The following EPHX2 variants were observed in gnomAD, a reference collection of about 807,000 sequenced individuals.
EPHX2 encodes bifunctional epoxide hydrolase 2.
EPHX2 carries 74 observed loss-of-function variants against 78.7 expected under a neutral mutation model. That is an observed-to-expected ratio of 0.94 (90% CI 0.78 to 1.14). EPHX2 has a LOEUF of 1.14. EPHX2 is among the 50% of genes most tolerant of loss of function. The pLI is 0.00. For missense variants in EPHX2, 715 were observed against 702.5 expected (o/e 1.02, Z -0.20); for synonymous variants, 251 against 255.2 (o/e 0.98, Z 0.16).
At chr8:27,510,400 A>G (rs924562941) in intron 5 of EPHX2, among the ~76,000 whole-genome samples, 2 of 151,560 alleles carry the variant, frequency 1.3e-5, no homozygotes, top group African/African-American at 4.9e-5. Context: ...CACCATAAGG[A>G]CTCCTTGTTC....
chr8:27,508,462 C>T (rs1814100660), intron 5 of EPHX2, among the ~76,000 whole-genome samples: 1 of 152,176 alleles, frequency 6.6e-6, no homozygotes, highest in African/African-American at 2.4e-5. Context: ...CTTGCCCAAG[C>T]TTTGTTCATT....
At chr8:27,547,213 G>C (rs1337226201), downstream of EPHX2, among the ~76,000 whole-genome samples, 1 of 152,188 alleles carries the variant, frequency 6.6e-6, no homozygotes, top group Non-Finnish European at 1.5e-5. Context: ...TGGACTGGAA[G>C]AGGTCTTTAG....
At chr8:27,541,924 T>C (rs978039730) in intron 16 of EPHX2, among the ~76,000 whole-genome samples, 1 of 152,056 alleles carries the variant, frequency 6.6e-6, no homozygotes, top group African/African-American at 2.4e-5. Context: ...CTCTCAGAGA[T>C]GTGACTTTAG....
chr8:27,508,677 A>G (rs1393506273), intron 5 of EPHX2, among the ~76,000 whole-genome samples: 1 of 152,230 alleles, frequency 6.6e-6, no homozygotes, highest in South Asian at 2.1e-4. Flanking sequence ...AGGAAGATAG[A>G]AGGAAAAATG....
intron 8 of EPHX2, among the ~76,000 whole-genome samples, chr8:27,516,902 A>ACC (rs1177412813): frequency 6.7e-6 from 1 of 149,414 alleles, no homozygotes; most frequent in East Asian, 2.0e-4. Context: ...TATAGACGGC[A>ACC]CCACAATTTC....
At chr8:27,534,463 C>T (rs1815146798) in intron 12 of EPHX2, among the ~76,000 whole-genome samples, 1 of 152,046 alleles carries the variant, frequency 6.6e-6, no homozygotes, top group South Asian at 2.1e-4. Context: ...CTAGCCCGAC[C>T]AACATGATGA....
chr8:27,532,119 G>A (rs2132781566), intron 12 of EPHX2, among the ~76,000 whole-genome samples: 1 of 152,184 alleles, frequency 6.6e-6, no homozygotes, highest in East Asian at 1.9e-4. Context: ...CCTGCGGTTG[G>A]CACACCTGCT....
chr8:27,504,376 T>C (rs1232665373), intron 3 of EPHX2, among the ~76,000 whole-genome samples: 1 of 152,234 alleles, frequency 6.6e-6, no homozygotes, highest in African/African-American at 2.4e-5. Flanking sequence ...CTTTCCAGCA[T>C]TGCCTAGTTC....
At chr8:27,502,311 A>T (rs1339535961) in intron 2 of EPHX2, among the ~76,000 whole-genome samples, 1 of 152,076 alleles carries the variant, frequency 6.6e-6, no homozygotes, top group Non-Finnish European at 1.5e-5. Context: ...TCACATTCAT[A>T]TACCCCAATC....
rs773734499 is a variant in EPHX2 at position 27,516,360 on chromosome 8, T to G, written c.872T>G (p.Met291Arg). The G allele has an allele frequency of 1.9e-6, 3 of 1,614,080 alleles. No homozygotes were observed. Among genetic ancestry groups the G allele is most frequent in the Middle Eastern group, 3.3e-4 (2 of 6,058 alleles). The stretch of plus-strand genomic sequence containing the variant: ...CAGGCAGGTTACCGGGTCCTAGCTA[T>G]GGACATGAAAGGCTATGGAGAGTCA... ...LAQAGYRVLAMDMKGYGESSA... is the reference protein window; with the variant it reads ...LAQAGYRVLARDMKGYGESSA... The change falls in exon 8 of 19, where the codon ATG (methionine) becomes AGG (arginine). Residue 291 changes from methionine to arginine, a missense_variant. Transcript: ENST00000521400.
At chr8:27,540,231 TG>T (rs1480786669) in intron 14 of EPHX2, among the ~76,000 whole-genome samples, 1 of 152,066 alleles carries the variant, frequency 6.6e-6, no homozygotes, top group African/African-American at 2.4e-5. Flanking sequence ...GAGCAGGAGC[TG>T]GGGGCTGGCA....
Position 27,544,832 on chromosome 8 carries a change from C to T in EPHX2, c.*310C>T, listed in dbSNP as rs1240513650. On this transcript the variant is annotated 3_prime_UTR_variant, in exon 19 of 19. Transcript: ENST00000521400. ...GGTGGTGATTTCTCTTTGACCAATGCATAGTTTGGCAGAAAAATCAGCCGT... is the reference window on the plus strand; with the variant it reads ...GGTGGTGATTTCTCTTTGACCAATGTATAGTTTGGCAGAAAAATCAGCCGT... The T allele has an allele frequency of 2.9e-6, 1 of 346,512 alleles. No homozygotes were observed. The highest frequency in any genetic ancestry group is 5.6e-5 in the South Asian group (1 of 17,826). The allele number at this position is 346,512 out of a possible 1,614,324, so 21.5% of individuals were successfully genotyped here.
chr8:27,540,645 G>A lies in EPHX2; in HGVS notation c.1368G>A (p.Lys456=). The A allele has an allele frequency of 6.2e-7, 1 of 1,614,040 alleles. No homozygotes were observed. Among genetic ancestry groups the A allele is most frequent in the South Asian group, 1.1e-5 (1 of 91,070 alleles). ...AGTTCTATGTGCAGCAGTTCAAGAA[G>A]TCTGGTTTCAGGTAAAGAGAGCACA... The part of the protein sequence containing the change: ...EIQFYVQQFK[K]SGFRGPLNWY... The change falls in exon 15 of 19, where the codon AAG becomes AAA. Residue 456 remains lysine, a synonymous_variant. Transcript: ENST00000521400.
rs1459014541 is a variant in EPHX2, at chr8:27,545,542, A to T, written c.*1020A>T. On this transcript the variant is annotated 3_prime_UTR_variant, in exon 19 of 19. Coordinates refer to ENST00000521400, the MANE Select transcript of EPHX2 (RefSeq NM_001979.6). ...CCCTGCCCACCCCCAGCCCGGCCCC[A>T]TCACCCTCCAATTCCTAACCGCCCT... is the stretch of plus-strand genomic sequence containing the variant. 1 of 66,696 alleles carries T rather than the reference A, an allele frequency of 1.5e-5. No homozygotes were observed. Among genetic ancestry groups the T allele is most frequent in the Non-Finnish European group, 3.0e-5 (1 of 33,440 alleles). The allele number at this position is 66,696 out of a possible 1,614,324, so 4.1% of individuals were successfully genotyped here.
intron 11 of EPHX2, among the ~76,000 whole-genome samples, chr8:27,525,105 T>TGCGC (rs1345689668): frequency 5.6e-4 from 72 of 127,482 alleles, no homozygotes; most frequent in African/African-American, 1.8e-3. Flanking sequence ...TGTGTGTGTG[T>TGCGC]GTGCGCGCGC....
At position 27,545,181 on chromosome 8, in the gene EPHX2, T is replaced by C. The variant is rs1193435805; in HGVS notation, c.*659T>C. On this transcript the variant is annotated 3_prime_UTR_variant, in exon 19 of 19. Transcript: ENST00000521400. ...AGCAGAGTTTGCTCAGGCACAAATGTGCACCTGGAGCATTTGAAATGTGCT... is the reference window on the plus strand; with the variant it reads ...AGCAGAGTTTGCTCAGGCACAAATGCGCACCTGGAGCATTTGAAATGTGCT... 1.3e-5 allele frequency: 2 copies of C among 152,370 alleles called. No individual in the cohort carries two copies. Among genetic ancestry groups the C allele is most frequent in the African/African-American group, 2.4e-5 (1 of 41,438 alleles). 9.4% of individuals were successfully genotyped at this position (152,370 alleles called of 1,614,324 possible).
intron 12 of EPHX2, among the ~76,000 whole-genome samples, chr8:27,535,459 C>T (rs1233679591): frequency 6.6e-6 from 1 of 152,140 alleles, no homozygotes; most frequent in South Asian, 2.1e-4. Flanking sequence ...ACAGCGTGAA[C>T]CACTGCACCC....
intron 13 of EPHX2, 51 bp from the exon 14 acceptor site, chr8:27,538,608 C>T: frequency 2.6e-6 from 4 of 1,541,142 alleles, no homozygotes; most frequent in South Asian, 2.3e-5. Flanking sequence ...AGCATATTTC[C>T]TTTGTATCAC....
intron 14 of EPHX2, among the ~76,000 whole-genome samples, 163 bp from the exon 15 acceptor site, chr8:27,540,391 G>A (rs1815358453): frequency 2.0e-5 from 3 of 152,162 alleles, no homozygotes; most frequent in Admixed American, 2.0e-4. Flanking sequence ...GAGCTTTCGA[G>A]GAGATGGGAT....
Sources: gnomAD v4.1 joint callset for allele counts (sites outside exome capture counted in the v4.1 genomes callset) on GRCh38, gnomAD v4.1.1 for gene constraint, MANE v1.5 for transcripts, NCBI Gene and HGNC (gene_info 2026-07-23, HGNC 2026-07-21) for gene names.